Variants in DDX6 observed in about 807,000 individuals in gnomAD.
DDX6 encodes probable ATP-dependent RNA helicase DDX6.
DDX6 carries 7 observed loss-of-function variants against 60.6 expected under a neutral mutation model. The observed-to-expected ratio is 0.12, with a 90% CI of 0.07 to 0.22. The LOEUF is 0.22. Among genes scored for constraint, DDX6 ranks in the 10% least tolerant of loss-of-function variants. DDX6 has a pLI of 1.00. For missense variants in DDX6, 270 were observed against 589.9 expected, an observed-to-expected ratio of 0.46 and a Z score of 5.62; for synonymous variants, 207 against 201.0, an observed-to-expected ratio of 1.03 and a Z score of -0.25.
Position 118,765,180 on chromosome 11 carries a change from T to C in DDX6, c.646+29A>G, listed in dbSNP as rs375510694. 2 of 1,609,810 alleles carry C rather than the reference T, an allele frequency of 1.2e-6. 1 individual carries two copies. Among genetic ancestry groups the C allele is most frequent in the Middle Eastern group, 4.5e-4 (2 of 4,442 alleles). ...ACTTGTGACTAAAATAACAGAGAGC[T>C]ACACTACCTTTTAGTAATCATTTCT... On this transcript the variant is annotated intron_variant, in intron 6 of 13. Transcript: ENST00000534980.
intron 7 of DDX6, among the ~76,000 whole-genome samples, chr11:118,761,337 C>T (rs188638694): frequency 1.2e-4 from 19 of 152,276 alleles, no homozygotes; most frequent in African/African-American, 4.6e-4. Context: ...TTGGCTAAGG[C>T]CAGGTGTGGT....
intron 2 of DDX6, among the ~76,000 whole-genome samples, chr11:118,784,546 C>T (rs1414630897): frequency 6.6e-6 from 1 of 151,796 alleles, no homozygotes; most frequent in Non-Finnish European, 1.5e-5. Flanking sequence ...GCAACCTCCA[C>T]CTCTCGGGTT....
chr11:118,757,567 G>A (rs1174654907), intron 9 of DDX6, among the ~76,000 whole-genome samples: 2 of 151,858 alleles, frequency 1.3e-5, no homozygotes, highest in Admixed American at 6.6e-5. Flanking sequence ...TATGTTTTAT[G>A]TGTTTCCATT....
intron 4 of DDX6, among the ~76,000 whole-genome samples, chr11:118,772,399 A>C (rs1861565126): frequency 6.6e-6 from 1 of 151,966 alleles, no homozygotes; most frequent in African/African-American, 2.4e-5. Flanking sequence ...AGCCAGTCAC[A>C]AAAAAAACAC....
At chr11:118,754,253 G>A (rs1860886724) in intron 13 of DDX6, among the ~76,000 whole-genome samples, 1 of 152,128 alleles carries the variant, frequency 6.6e-6, no homozygotes, top group South Asian at 2.1e-4. Flanking sequence ...AACAAAGCAA[G>A]ACCTTGTTTC....
In DDX6 at chr11:118,748,523, C is replaced by A. The variant is rs191774228; in HGVS notation, c.*3582G>T. ...GGTATCTGGCAGGAAAATGATTCCACAATAACAAATTTAAAGATACCTAGA... is the reference window on the plus strand; with the variant it reads ...GGTATCTGGCAGGAAAATGATTCCAAAATAACAAATTTAAAGATACCTAGA... On this transcript the variant is annotated 3_prime_UTR_variant, in exon 14 of 14. Coordinates refer to ENST00000534980, the MANE Select transcript of DDX6 (RefSeq NM_004397.6). 124 of 152,022 alleles carry A rather than the reference C, an allele frequency of 8.2e-4. 1 individual carries two copies. Among genetic ancestry groups the A allele is most frequent in the African/African-American group, 2.9e-3 (121 of 41,442 alleles). 9.4% of individuals were successfully genotyped at this position (152,022 alleles called of 1,614,324 possible). A position where few individuals can be genotyped will look rare whatever the true frequency, so the allele number is the denominator to read the frequency against.
intron 4 of DDX6, among the ~76,000 whole-genome samples, chr11:118,773,231 C>A (rs1861592725): frequency 6.6e-6 from 1 of 152,160 alleles, no homozygotes; most frequent in Non-Finnish European, 1.5e-5. Context: ...ACACTGACTG[C>A]TTCCTCTTAT....
chr11:118,779,746 C>A lies in DDX6; in HGVS notation c.265-10G>T. The A allele has an allele frequency of 6.4e-7, 1 of 1,551,310 alleles. No homozygotes were observed. Among genetic ancestry groups the A allele is most frequent in the Non-Finnish European group, 8.8e-7 (1 of 1,136,072 alleles). On this transcript the variant is annotated splice_polypyrimidine_tract_variant and intron_variant, in intron 3 of 13. Coordinates refer to ENST00000534980, the MANE Select transcript of DDX6 (RefSeq NM_004397.6). The stretch of plus-strand genomic sequence containing the variant: ...TTGTGGAGGTCACATCCTAGTCAAA[C>A]AAAAAGGAACAATAAAAGAATAAAT...
rs1861311658 is a variant in DDX6 at position 118,765,285 on chromosome 11, G to A, written c.570C>T (p.His190=). ...TTGCCATCACTTTGGCCCCTCCCAT[G>A]TGTTTGCTGACCTGGATGCAAATTT... The part of the protein sequence containing the change: ...VSQICIQVSK[H]MGGAKVMATT... The change falls in exon 6 of 14, where the codon CAC becomes CAT. Residue 190 remains histidine, a synonymous_variant. Coordinates refer to ENST00000534980, the MANE Select transcript of DDX6 (RefSeq NM_004397.6). 2 of 1,613,514 alleles carry A rather than the reference G, an allele frequency of 1.2e-6. No homozygotes were observed.
intron 9 of DDX6, among the ~76,000 whole-genome samples, 155 bp downstream of exon 9, chr11:118,758,619 C>T (rs901096081): frequency 5.3e-5 from 8 of 152,178 alleles, no homozygotes; most frequent in African/African-American, 1.7e-4. Context: ...GATCTGCCTG[C>T]CTCAGCCTCC....
intron 2 of DDX6, among the ~76,000 whole-genome samples, chr11:118,783,854 A>G (rs1003035265): frequency 1.4e-5 from 2 of 147,450 alleles, no homozygotes; most frequent in African/African-American, 5.0e-5. Flanking sequence ...AGTGGCTCAC[A>G]TGTGTAATCC....
intron 4 of DDX6, among the ~76,000 whole-genome samples, chr11:118,769,289 T>C (rs1861457281): frequency 1.3e-5 from 2 of 152,190 alleles, no homozygotes; most frequent in African/African-American, 4.8e-5. Context: ...CAGGTCCTAT[T>C]TGTCATTTAT....
intron 4 of DDX6, among the ~76,000 whole-genome samples, chr11:118,779,156 CAAAA>C (rs5795140): frequency 1.6e-5 from 2 of 125,898 alleles, no homozygotes; most frequent in Non-Finnish European, 3.3e-5. Flanking sequence ...ACCCAGTTGC[CAAAA>C]AAAAAAAAAA....
chr11:118,772,740 C>T lies in DDX6; in HGVS notation c.370-4388G>A, dbSNP rs2137497149. 1.3e-5 allele frequency among the ~76,000 whole-genome samples: 2 copies of T among 152,300 alleles called. 1 individual carries two copies. Reference sequence around the variant, plus strand: ...CACCTTAGGTCTCCAAATTCACATTCACTGTAACGTTTAGATAATGACTGA... The same window carrying T: ...CACCTTAGGTCTCCAAATTCACATTTACTGTAACGTTTAGATAATGACTGA... On this transcript the variant is annotated intron_variant, in intron 4 of 13. Transcript: ENST00000534980.
At chr11:118,764,837 C>CACA (rs1427747282) in intron 6 of DDX6, among the ~76,000 whole-genome samples, 1 of 150,578 alleles carries the variant, frequency 6.6e-6, no homozygotes, top group South Asian at 2.1e-4. Context: ...CACACACACA[C>CACA]ATTATATATA....
At chr11:118,772,616 C>T (rs977113453) in intron 4 of DDX6, among the ~76,000 whole-genome samples, 16 of 152,258 alleles carry the variant, frequency 1.1e-4, no homozygotes, top group African/African-American at 3.9e-4. Flanking sequence ...AAATTGTATA[C>T]TTTTGATGTG....
At position 118,748,514 on chromosome 11, in the gene DDX6, A is replaced by C. The variant is rs1860637130; in HGVS notation, c.*3591T>G. On this transcript the variant is annotated 3_prime_UTR_variant, in exon 14 of 14. Coordinates refer to ENST00000534980, the MANE Select transcript of DDX6 (RefSeq NM_004397.6). ...TTTGATAAAGGTATCTGGCAGGAAA[A>C]TGATTCCACAATAACAAATTTAAAG... The C allele has an allele frequency of 6.6e-6, 1 of 152,218 alleles. No homozygotes were observed. The highest frequency in any genetic ancestry group is 1.5e-5 in the Non-Finnish European group (1 of 68,044). The allele number at this position is 152,218 out of a possible 1,614,324, so 9.4% of individuals were successfully genotyped here.
At chr11:118,785,309 G>A (rs1862037860) in intron 2 of DDX6, among the ~76,000 whole-genome samples, 2 of 152,226 alleles carry the variant, frequency 1.3e-5, no homozygotes, top group Non-Finnish European at 2.9e-5. Context: ...GTTCAGAACT[G>A]TGTTCTGTGA....
chr11:118,759,565 C>T (rs548423246), intron 8 of DDX6, among the ~76,000 whole-genome samples: 2 of 152,236 alleles, frequency 1.3e-5, no homozygotes, highest in Admixed American at 1.3e-4. Flanking sequence ...GCATCATGTT[C>T]GTGGCTCAAA....
Sources: allele counts gnomAD v4.1 joint callset (sites outside exome capture counted in the v4.1 genomes callset), GRCh38; gene constraint gnomAD v4.1.1; transcripts MANE v1.5; gene names NCBI Gene and HGNC (gene_info 2026-07-23, HGNC 2026-07-21).